EHD3: variants seen among roughly 807,000 people sequenced by gnomAD.
EHD3 encodes EH domain-containing protein 3.
In EHD3, 17 loss-of-function variants were observed where a neutral mutation model predicts 43.0. The observed-to-expected ratio is 0.40, with a 90% CI of 0.27 to 0.59. The LOEUF (loss-of-function observed/expected upper bound fraction) is 0.59, where lower values mean the gene tolerates loss of function less well. EHD3 is among the 20% of genes least tolerant of loss of function. The probability of loss-of-function intolerance (pLI) is 0.49; values close to 1 mark genes in which losing one functional copy is unlikely to be tolerated. For missense variants in EHD3, 594 were observed against 705.6 expected, an observed-to-expected ratio of 0.84 and a Z score of 1.79; for synonymous variants, 313 against 289.5, an observed-to-expected ratio of 1.08 and a Z score of -0.82.
intron 3 of EHD3, among the ~76,000 whole-genome samples, chr2:31,259,561 G>A (rs1348551280): frequency 6.6e-6 from 1 of 152,164 alleles, no homozygotes; most frequent in Non-Finnish European, 1.5e-5. Context: ...ACCAAGATGC[G>A]GGTGGCCAGA....
intron 2 of EHD3, among the ~76,000 whole-genome samples, chr2:31,244,822 G>A (rs1683488621): frequency 6.6e-6 from 1 of 152,188 alleles, no homozygotes; most frequent in South Asian, 2.1e-4. Context: ...GCAGACGAAG[G>A]TTCTTTTCTA....
intron 1 of EHD3, among the ~76,000 whole-genome samples, chr2:31,243,465 T>C (rs1202798311): frequency 7.1e-6 from 1 of 140,738 alleles, no homozygotes; most frequent in African/African-American, 2.6e-5. Context: ...TCTTTCTTTT[T>C]TTTTTTTTGA....
intron 3 of EHD3, among the ~76,000 whole-genome samples, chr2:31,255,264 C>T (rs1371392561): frequency 1.3e-5 from 2 of 152,200 alleles, no homozygotes; most frequent in Non-Finnish European, 2.9e-5. Context: ...ATTTCATGAA[C>T]ACTTGGGCTG....
intron 3 of EHD3, among the ~76,000 whole-genome samples, chr2:31,250,692 C>T (rs1683619184): frequency 6.6e-6 from 1 of 152,208 alleles, no homozygotes; most frequent in African/African-American, 2.4e-5. Flanking sequence ...AGCCCACTAC[C>T]CTCTCTGTGC....
chr2:31,237,678 T>A (rs983534124), intron 1 of EHD3, among the ~76,000 whole-genome samples: 3 of 152,252 alleles, frequency 2.0e-5, no homozygotes, highest in Non-Finnish European at 2.9e-5. Flanking sequence ...GTGCTGGGGA[T>A]TACAGACGTG....
At chr2:31,262,265 T>G (rs1683871693) in intron 5 of EHD3, among the ~76,000 whole-genome samples, 1 of 152,194 alleles carries the variant, frequency 6.6e-6, no homozygotes, top group African/African-American at 2.4e-5. Flanking sequence ...GAGGCATTTT[T>G]CATCTGCCTT....
chr2:31,234,510 T>G lies in EHD3; in HGVS notation c.-112T>G. The G allele has an allele frequency of 8.0e-7, 1 of 1,257,440 alleles. No individual in the cohort carries two copies. Among genetic ancestry groups the G allele is most frequent in the Non-Finnish European group, 1.1e-6 (1 of 902,786 alleles). The allele number at this position is 1,257,440 out of a possible 1,614,324, so 77.9% of individuals were successfully genotyped here. On this transcript the variant is annotated 5_prime_UTR_variant, in exon 1 of 6. Coordinates refer to ENST00000322054, the MANE Select transcript of EHD3 (RefSeq NM_014600.3). ...CCATGGTGCGGCTGAGCCCCGCGCT[T>G]GGGTGAGGCGGCGGCGCGGCTCGGA...
intron 5 of EHD3, among the ~76,000 whole-genome samples, chr2:31,265,222 CAAT>C (rs1297717374): frequency 1.3e-5 from 2 of 152,208 alleles, no homozygotes; most frequent in African/African-American, 4.8e-5. Flanking sequence ...CCTAAAATAA[CAAT>C]AAAAAGTACA....
At chr2:31,259,784 T>A (rs1408193831) in intron 3 of EHD3, among the ~76,000 whole-genome samples, 1 of 152,230 alleles carries the variant, frequency 6.6e-6, no homozygotes, top group Non-Finnish European at 1.5e-5. Flanking sequence ...TTAGAAAGAA[T>A]TTCTGGGTCT....
Position 31,267,032 on chromosome 2 carries a change from A to G in EHD3, c.*328A>G, listed in dbSNP as rs1207770089. On this transcript the variant is annotated 3_prime_UTR_variant, in exon 6 of 6. Coordinates refer to ENST00000322054, the MANE Select transcript of EHD3 (RefSeq NM_014600.3). ...ATTCACTTGCCAGCACAGATGGCCA[A>G]CCCACCTCCAGATTCCCCAGTGCTT... The G allele has an allele frequency of 3.6e-6, 1 of 279,608 alleles. No individual in the cohort carries two copies. The highest frequency in any genetic ancestry group is 4.8e-5 in the Admixed American group (1 of 20,642). The allele number at this position is 279,608 out of a possible 1,614,324, so 17.3% of individuals were successfully genotyped here. A position where few individuals can be genotyped will look rare whatever the true frequency, so the allele number is the denominator to read the frequency against.
intron 1 of EHD3, among the ~76,000 whole-genome samples, chr2:31,239,136 C>A (rs1426902605): frequency 6.6e-6 from 1 of 152,230 alleles, no homozygotes; most frequent in Non-Finnish European, 1.5e-5. Flanking sequence ...CTCATCACCA[C>A]CCTGACATCC....
chr2:31,249,304 T>C, intron 2 of EHD3, 67 bp from the exon 3 acceptor site: 1 of 1,409,850 alleles, frequency 7.1e-7, no homozygotes, highest in East Asian at 2.3e-5. Flanking sequence ...AGACAGGTGG[T>C]TGGAGTCATG....
intron 3 of EHD3, among the ~76,000 whole-genome samples, chr2:31,256,939 A>G (rs1488318224): frequency 6.6e-6 from 1 of 152,192 alleles, no homozygotes; most frequent in Non-Finnish European, 1.5e-5. Context: ...CATAGGACTC[A>G]ACACTGGCTG....
At chr2:31,263,383 G>T (rs1683889117) in intron 5 of EHD3, among the ~76,000 whole-genome samples, 1 of 152,190 alleles carries the variant, frequency 6.6e-6, no homozygotes, top group African/African-American at 2.4e-5. Context: ...TTGTTTGCCA[G>T]TTCAATATTC....
Position 31,234,703 on chromosome 2 carries a change from C to G in EHD3, c.82C>G (p.Leu28Val), listed in dbSNP as rs1279398254. The G allele has an allele frequency of 1.2e-6, 2 of 1,614,116 alleles. No individual in the cohort carries two copies. The highest frequency in any genetic ancestry group is 1.7e-5 in the Admixed American group (1 of 60,006). Residue 28 changes from leucine to valine, a missense_variant, in exon 1 of 6, where the codon CTC becomes GTC. Around this residue, in one of 3 missense-constraint regions of EHD3, gnomAD observed 243 missense variants for 296.7 expected, o/e 0.82. Coordinates refer to ENST00000322054, the MANE Select transcript of EHD3 (RefSeq NM_014600.3). ...GACGGTGAGTGAGGGGCTCAAGAAA[C>G]TCTACAAGAGCAAGCTGCTGCCCTT... ...FQTVSEGLKK[L>V]YKSKLLPLEE...
intron 1 of EHD3, among the ~76,000 whole-genome samples, chr2:31,243,256 C>T (rs920034635): frequency 3.9e-5 from 6 of 151,938 alleles, no homozygotes; most frequent in Non-Finnish European, 5.9e-5. Flanking sequence ...CCAGCCTGGG[C>T]GACGGAATGA....
chr2:31,245,796 G>A (rs997601190), intron 2 of EHD3, among the ~76,000 whole-genome samples: 39 of 141,656 alleles, frequency 2.8e-4, no homozygotes, highest in African/African-American at 9.9e-4. Context: ...TGTCAGGCTG[G>A]TCTCGAACTC....
chr2:31,260,852 T>C lies in EHD3; in HGVS notation c.845T>C (p.Ile282Thr), dbSNP rs1683839761. The C allele has an allele frequency of 6.2e-7, 1 of 1,614,108 alleles. No homozygotes were observed. Among genetic ancestry groups the C allele is most frequent in the Non-Finnish European group, 8.5e-7 (1 of 1,180,030 alleles). The change falls in exon 4 of 6, where the codon ATC (isoleucine) becomes ACC (threonine). Residue 282 changes from isoleucine to threonine, a missense_variant. Physicochemically the swap from Ile to Thr is moderately conservative, Grantham distance 89. Transcript: ENST00000322054. This position sits in a 1 kb window ranked among gnomAD's most constrained non-coding sequence, Gnocchi z 4.6. ...GAGGAACAGGACCTATTCAGGGACA[T>C]CCAGAGTCTGCCCCGAAATGCTGCC... is the stretch of plus-strand genomic sequence containing the variant. ...EAEEQDLFRDIQSLPRNAALR... is the reference protein window; with the variant it reads ...EAEEQDLFRDTQSLPRNAALR...
intron 1 of EHD3, among the ~76,000 whole-genome samples, chr2:31,236,150 G>T (rs1030169099): frequency 6.6e-6 from 1 of 152,282 alleles, no homozygotes; most frequent in South Asian, 2.1e-4. Flanking sequence ...ACCTTGTAAC[G>T]CCAGCCTTCT....
Sources: gnomAD v4.1 joint callset for allele counts (sites outside exome capture counted in the v4.1 genomes callset) on GRCh38, gnomAD v4.1.1 for gene constraint, gnomAD v4.1.1 regional missense constraint, Gnocchi (gnomAD v3.1) non-coding constraint, MANE v1.5 for transcripts, NCBI Gene and HGNC (gene_info 2026-07-23, HGNC 2026-07-21) for gene names.